Variants in PREX2 observed in about 807,000 individuals in gnomAD.
PREX2 encodes phosphatidylinositol-3,4,5-trisphosphate dependent Rac exchange factor 2, also known as phosphatidylinositol 3,4,5-trisphosphate-dependent Rac exchanger 2 protein.
PREX2 carries 107 observed loss-of-function variants against 203.2 expected under a neutral mutation model. The ratio of observed to expected loss-of-function variants is 0.53; its 90% CI spans 0.45 to 0.62. The LOEUF (loss-of-function observed/expected upper bound fraction) is 0.62. PREX2 is among the 20% of genes least tolerant of loss of function. The pLI is 0.00. For missense variants in PREX2, 1,777 were observed against 1,955.9 expected (o/e 0.91, Z 1.72); for synonymous variants, 672 against 663.6 (o/e 1.01, Z -0.19).
chr8:68,104,649 A>G (rs1252888301), intron 23 of PREX2, among the ~76,000 whole-genome samples: 2 of 152,138 alleles, frequency 1.3e-5, no homozygotes, highest in African/African-American at 2.4e-5. Context: ...TACATTTACC[A>G]TCTATCAACA....
At chr8:68,102,851 C>A in intron 23 of PREX2, 1 of 518,478 alleles carries the variant, frequency 1.9e-6, no homozygotes, top group Non-Finnish European at 3.9e-6. Context: ...ATGTGTGAAA[C>A]CTGGTCAGAC....
chr8:67,959,694 CT>C (rs933755375), intron 1 of PREX2, among the ~76,000 whole-genome samples: 93 of 152,262 alleles, frequency 6.1e-4, no homozygotes, highest in African/African-American at 2.2e-3. Context: ...CAAGCTGTCA[CT>C]TGTGTATTTT....
At chr8:67,952,611 C>A (rs775983313) in intron 1 of PREX2, 76 bp downstream of exon 1, 1 of 1,548,822 alleles carries the variant, frequency 6.5e-7, no homozygotes, top group East Asian at 2.4e-5. Context: ...GCGGGAAGGA[C>A]GCGCGGCATT....
intron 9 of PREX2, 128 bp from the exon 10 acceptor site, chr8:68,055,702 C>A (rs1808656379): frequency 2.4e-6 from 2 of 841,020 alleles, no homozygotes; most frequent in Non-Finnish European, 3.7e-6. Flanking sequence ...CACTATTATA[C>A]AGAGATCTGT....
At chr8:67,960,473 C>G (rs1403591783) in intron 1 of PREX2, among the ~76,000 whole-genome samples, 1 of 152,096 alleles carries the variant, frequency 6.6e-6, no homozygotes, top group Non-Finnish European at 1.5e-5. Context: ...GTCAGTCACC[C>G]TGTCTTTTCC....
intron 1 of PREX2, among the ~76,000 whole-genome samples, chr8:67,987,927 G>A (rs1052901045): frequency 1.2e-3 from 179 of 152,334 alleles, no homozygotes; most frequent in African/African-American, 4.0e-3. Flanking sequence ...GTGTGTGTGT[G>A]TGTGTGTGTG....
chr8:68,118,343 A>C (rs1281123053), intron 26 of PREX2, among the ~76,000 whole-genome samples: 1 of 151,320 alleles, frequency 6.6e-6, no homozygotes, highest in East Asian at 1.9e-4. Context: ...AGACAGAGCG[A>C]AACTCCGTCT....
At chr8:68,124,241 A>G (rs1412174875) in intron 30 of PREX2, among the ~76,000 whole-genome samples, 1 of 152,146 alleles carries the variant, frequency 6.6e-6, no homozygotes, top group African/African-American at 2.4e-5. Context: ...ATCAGCTCAA[A>G]TGCCCATCAG....
In PREX2 at chr8:68,071,906, TTACTC is replaced by T. The variant is rs770600073; in HGVS notation, c.1494-585_1494-581del. On this transcript the variant is annotated intron_variant, in intron 13 of 39. Transcript: ENST00000288368. The stretch of plus-strand genomic sequence containing the variant: ...AGGAGCAGGAATAAAAGGCATTTCT[TTACTC>T]TACAGATTTTGAGATTTTTAGTATA... 1.1e-4 allele frequency among the ~76,000 whole-genome samples: 16 copies of T among 152,312 alleles called. No homozygotes were observed. The East Asian group carries it at 1.3e-3, about 13-fold the overall frequency.
At chr8:68,020,329 A>G (rs1585711286) in intron 3 of PREX2, among the ~76,000 whole-genome samples, 1 of 126,290 alleles carries the variant, frequency 7.9e-6, no homozygotes. Flanking sequence ...AAGGGCATTC[A>G]CACCAAAAAA....
chr8:68,047,472 TATATA>T (rs1808388788), intron 8 of PREX2, among the ~76,000 whole-genome samples: 1 of 1,478 alleles, frequency 6.8e-4, no homozygotes, highest in Admixed American at 9.6e-3. Context: ...GATGAATTTA[TATATA>T]TATATATATA....
At chr8:68,214,283 C>T (rs549572872) in intron 37 of PREX2, among the ~76,000 whole-genome samples, 3 of 152,160 alleles carry the variant, frequency 2.0e-5, no homozygotes, top group African/African-American at 7.2e-5. Flanking sequence ...TCCTGTAGTC[C>T]CAGCTACTTG....
chr8:67,952,181 T>C lies in PREX2; in HGVS notation c.-214T>C, dbSNP rs1306036655. 1 of 386,176 alleles carries C rather than the reference T, an allele frequency of 2.6e-6. No homozygotes were observed. Among genetic ancestry groups the C allele is most frequent in the Non-Finnish European group, 4.4e-6 (1 of 226,414 alleles). The allele number at this position is 386,176 out of a possible 1,614,324, so 23.9% of individuals were successfully genotyped here. On this transcript the variant is annotated 5_prime_UTR_variant, in exon 1 of 40. Transcript: ENST00000288368. ...AGCCCCCACTCCCAGGAGTTTCCTCTGCAGAGCCCCGCGCCCCCCGCGCCG... is the reference window on the plus strand; with the variant it reads ...AGCCCCCACTCCCAGGAGTTTCCTCCGCAGAGCCCCGCGCCCCCCGCGCCG...
At position 68,192,291 on chromosome 8, in the gene PREX2, TAC is replaced by T. The variant is rs1335964666; in HGVS notation, c.4414-43_4414-42del. ...TATACCAACCTATCTAAAAGAATTT[TAC>T]TAAACATGTTGAACTTGACGTTCAT... On this transcript the variant is annotated intron_variant, in intron 36 of 39. Transcript: ENST00000288368. 3 of 1,485,776 alleles carry T rather than the reference TAC, an allele frequency of 2.0e-6. No individual in the cohort carries two copies. In the African/African-American group the frequency reaches 4.2e-5, roughly 21 times the overall value. The allele number at this position is 1,485,776 out of a possible 1,614,324, so 92.0% of individuals were successfully genotyped here.
At chr8:68,199,939 A>C (rs555895050) in intron 37 of PREX2, among the ~76,000 whole-genome samples, 39 of 152,326 alleles carry the variant, frequency 2.6e-4, no homozygotes, top group African/African-American at 9.1e-4. Context: ...TGCACAATGA[A>C]GACGTATTAA....
chr8:68,031,054 G>T (rs942905507), intron 6 of PREX2, among the ~76,000 whole-genome samples: 2 of 152,046 alleles, frequency 1.3e-5, no homozygotes, highest in Non-Finnish European at 2.9e-5. Flanking sequence ...TCTAAATTAG[G>T]TGTTCACTTA....
chr8:68,089,315 GT>G (rs376687540), intron 19 of PREX2, among the ~76,000 whole-genome samples: 5 of 151,970 alleles, frequency 3.3e-5, no homozygotes, highest in East Asian at 1.9e-4. Context: ...TCCTTGATCA[GT>G]TTTTTTTGCT....
intron 1 of PREX2, among the ~76,000 whole-genome samples, chr8:68,007,604 A>G (rs1563496979): frequency 6.6e-6 from 1 of 152,174 alleles, no homozygotes; most frequent in Non-Finnish European, 1.5e-5. Context: ...CACTCGATGT[A>G]CCAGTTACTT....
intron 34 of PREX2, among the ~76,000 whole-genome samples, chr8:68,155,107 T>C (rs912154198): frequency 1.3e-5 from 2 of 151,744 alleles, no homozygotes; most frequent in African/African-American, 4.8e-5. Context: ...AATTGTGTTT[T>C]CTTTTGCAGG....
Sources: gnomAD v4.1 joint callset for allele counts (sites outside exome capture counted in the v4.1 genomes callset) on GRCh38, gnomAD v4.1.1 for gene constraint, MANE v1.5 for transcripts, NCBI Gene and HGNC (gene_info 2026-07-23, HGNC 2026-07-21) for gene names.